YAF2: variants seen among roughly 807,000 people sequenced by gnomAD.
The protein encoded by YAF2 is YY1-associated factor 2.
A neutral mutation model predicts 20.1 loss-of-function variants in YAF2; 7 were observed. The observed-to-expected ratio is 0.35, with a 90% CI of 0.20 to 0.65. YAF2 has a LOEUF of 0.65. Ranked by LOEUF, YAF2 falls within the 30% of genes least tolerant of loss-of-function variation. The pLI is 0.69. For synonymous variants in YAF2, 74 were observed against 76.0 expected, an observed-to-expected ratio of 0.97 and a Z score of 0.14; for missense variants, 151 against 219.2, an observed-to-expected ratio of 0.69 and a Z score of 1.96.
At chr12:42,222,185 T>C (rs2067536303) in intron 2 of YAF2, among the ~76,000 whole-genome samples, 1 of 152,150 alleles carries the variant, frequency 6.6e-6, no homozygotes, top group Non-Finnish European at 1.5e-5. Context: ...TGTTAAATAA[T>C]TATTCCAAGC....
At chr12:42,161,489 G>T in intron 3 of YAF2, 124 bp downstream of exon 3, 3 of 1,103,696 alleles carry the variant, frequency 2.7e-6, no homozygotes, top group Non-Finnish European at 3.6e-6. Context: ...AACCTTTCCT[G>T]ATACCTTATA....
intron 2 of YAF2, among the ~76,000 whole-genome samples, chr12:42,194,767 C>T (rs1456409814): frequency 6.6e-6 from 1 of 152,152 alleles, no homozygotes; most frequent in East Asian, 1.9e-4. Flanking sequence ...CCCTACATTA[C>T]AGGTATATGG....
At chr12:42,210,176 A>G (rs947482329) in intron 2 of YAF2, among the ~76,000 whole-genome samples, 1 of 152,216 alleles carries the variant, frequency 6.6e-6, no homozygotes, top group Non-Finnish European at 1.5e-5. Context: ...TTTTACTCAT[A>G]CACCCATTAA....
chr12:42,166,067 T>C (rs762285951), intron 2 of YAF2, among the ~76,000 whole-genome samples: 18 of 152,026 alleles, frequency 1.2e-4, no homozygotes, highest in Non-Finnish European at 1.9e-4. Flanking sequence ...TACAAGCGTG[T>C]GCCACCATGC....
At chr12:42,231,961 G>A (rs1041945688) in intron 2 of YAF2, 5 of 152,148 alleles carry the variant, frequency 3.3e-5, no homozygotes, top group Non-Finnish European at 4.4e-5. Context: ...AGTCTTTCAA[G>A]TAAAAATGAT....
At chr12:42,191,895 G>C (rs752755035) in intron 2 of YAF2, among the ~76,000 whole-genome samples, 1 of 151,932 alleles carries the variant, frequency 6.6e-6, no homozygotes, top group Admixed American at 6.6e-5. Flanking sequence ...TTCAAGACCA[G>C]CCTGGTCAAC....
chr12:42,180,587 T>C (rs1389293008), intron 2 of YAF2, among the ~76,000 whole-genome samples: 1 of 152,212 alleles, frequency 6.6e-6, no homozygotes, highest in Non-Finnish European at 1.5e-5. Context: ...TGTCGGTAAG[T>C]AGCTAAGTTC....
rs776386278 is a variant in YAF2 at position 42,160,631 on chromosome 12, T to C, written c.501A>G (p.Ser167=). ...NTERGMSRSS[S]PRGEASSLNG... is the part of the protein sequence containing the mutation. Reference sequence around the variant, plus strand: ...TCAATGATGAGGCTTCTCCTCTGGGTGAAGATGACCTGGACATTCCTCTCT... The same window carrying C: ...TCAATGATGAGGCTTCTCCTCTGGGCGAAGATGACCTGGACATTCCTCTCT... The change falls in exon 4 of 4, where the codon TCA becomes TCG. Residue 167 remains serine (S), a synonymous_variant. Transcript: ENST00000534854. The C allele has an allele frequency of 3.1e-5, 50 of 1,613,698 alleles. No homozygotes were observed. In the Admixed American group the frequency reaches 7.8e-4, roughly 25 times the overall value.
intron 2 of YAF2, among the ~76,000 whole-genome samples, chr12:42,221,045 T>G (rs1369338661): frequency 6.6e-6 from 1 of 152,182 alleles, no homozygotes; most frequent in Non-Finnish European, 1.5e-5. Context: ...TCAAAAATAT[T>G]AGTAAATATA....
At chr12:42,227,652 C>G (rs545867933) in intron 2 of YAF2, among the ~76,000 whole-genome samples, 1 of 149,926 alleles carries the variant, frequency 6.7e-6, no homozygotes. Flanking sequence ...GCAGCTGCCC[C>G]GTCTGAGAAG....
In YAF2 at chr12:42,195,900, G is replaced by C. The variant is rs144786312; in HGVS notation, c.153-34135C>G. ...AAACTGGTGGTGGGGAAGAGTGGAA[G>C]GCAGGAGTTGCGGGGGCAGAGACAG... On this transcript the variant is annotated intron_variant, in intron 2 of 3. Coordinates refer to ENST00000534854, the MANE Select transcript of YAF2 (RefSeq NM_005748.6). 3.8e-3 allele frequency among the ~76,000 whole-genome samples: 574 copies of C among 152,204 alleles called. 1 individual carries two copies. The highest frequency in any genetic ancestry group is 6.8e-3 in the Non-Finnish European group (461 of 68,000).
chr12:42,163,830 C>T (rs573567950), intron 2 of YAF2, among the ~76,000 whole-genome samples: 5 of 152,142 alleles, frequency 3.3e-5, no homozygotes, highest in East Asian at 1.9e-4. Flanking sequence ...CTTTTTACAA[C>T]ATCGTAAGTC....
intron 2 of YAF2, among the ~76,000 whole-genome samples, chr12:42,229,464 A>C (rs1469080552): frequency 1.3e-5 from 2 of 152,086 alleles, no homozygotes; most frequent in African/African-American, 4.8e-5. Context: ...TACTTCAGGT[A>C]TTTTATTAGC....
intron 2 of YAF2, among the ~76,000 whole-genome samples, chr12:42,178,290 C>T (rs988481283): frequency 6.6e-6 from 1 of 152,126 alleles, no homozygotes; most frequent in Admixed American, 6.5e-5. Context: ...TGGGCCCCCA[C>T]CCAGACCAAT....
intron 2 of YAF2, among the ~76,000 whole-genome samples, chr12:42,230,500 A>G (rs1793065260): frequency 1.3e-5 from 2 of 152,102 alleles, no homozygotes; most frequent in Admixed American, 1.3e-4. Context: ...ATATACAGGG[A>G]CCAACATAAT....
At chr12:42,210,352 T>C in intron 2 of YAF2, 1 of 1,516,064 alleles carries the variant, frequency 6.6e-7, no homozygotes, top group East Asian at 2.5e-5. Context: ...CTAGATTACT[T>C]ACCAGTAACT....
intron 2 of YAF2, among the ~76,000 whole-genome samples, chr12:42,184,759 AAGG>A (rs1037682072): frequency 1.3e-5 from 2 of 152,188 alleles, no homozygotes; most frequent in Non-Finnish European, 1.5e-5. Flanking sequence ...TGACTCAGGG[AAGG>A]AGGTCTAAAT....
At chr12:42,224,591 T>C (rs2067630287) in intron 2 of YAF2, among the ~76,000 whole-genome samples, 1 of 152,034 alleles carries the variant, frequency 6.6e-6, no homozygotes, top group Non-Finnish European at 1.5e-5. Flanking sequence ...TGTGTTCTTA[T>C]TGTTCAACTC....
intron 1 of YAF2, 29 bp downstream of exon 1, chr12:42,238,126 T>TCCGGGCC: frequency 6.6e-7 from 1 of 1,526,186 alleles, no homozygotes. Flanking sequence ...GCCCGCACAG[T>TCCGGGCC]CCGGGCCCCG....
Sources: allele counts gnomAD v4.1 joint callset (sites outside exome capture counted in the v4.1 genomes callset), GRCh38; gene constraint gnomAD v4.1.1; transcripts MANE v1.5; gene names NCBI Gene and HGNC (gene_info 2026-07-23, HGNC 2026-07-21).